The following KCNQ3 variants were observed in gnomAD, a reference collection of about 807,000 sequenced individuals.
KCNQ3 encodes potassium voltage-gated channel subfamily Q member 3, also known as potassium voltage-gated channel subfamily KQT member 3.
In KCNQ3, 30 loss-of-function variants were observed where a neutral mutation model predicts 92.5. The ratio of observed to expected loss-of-function variants is 0.32; its 90% CI spans 0.24 to 0.44. The LOEUF is 0.44. KCNQ3 is among the 20% of genes least tolerant of loss of function. KCNQ3 has a pLI of 1.00. For missense variants in KCNQ3, 913 were observed against 1,140.3 expected (o/e 0.80, Z 2.87); for synonymous variants, 450 against 468.8 (o/e 0.96, Z 0.52).
At chr8:132,270,398 C>A (rs551659522) in intron 1 of KCNQ3, among the ~76,000 whole-genome samples, 1 of 152,204 alleles carries the variant, frequency 6.6e-6, no homozygotes, top group Admixed American at 6.5e-5. Flanking sequence ...TCCTAACATG[C>A]TCATCTAAGG....
rs1298433696 is a variant in KCNQ3 at position 132,199,899 on chromosome 8, G to C, written c.387-13718C>G. On this transcript the variant is annotated intron_variant, in intron 1 of 14. Transcript: ENST00000388996. ...CACTCCAGCCTGGGTGACAGAGCAA[G>C]ACTCAGTCTCCAAAAAAAAAAAAAA... 4.4e-5 allele frequency among the ~76,000 whole-genome samples: 6 copies of C among 135,366 alleles called. No individual in the cohort carries two copies. In the Admixed American group the frequency reaches 4.5e-4, roughly 10 times the overall value. 88.8% of individuals were successfully genotyped at this position (135,366 alleles called of 152,430 possible). A position where few individuals can be genotyped will look rare whatever the true frequency, so the allele number is the denominator to read the frequency against.
At chr8:132,277,188 G>T (rs1816361708) in intron 1 of KCNQ3, among the ~76,000 whole-genome samples, 1 of 151,996 alleles carries the variant, frequency 6.6e-6, no homozygotes, top group Admixed American at 6.6e-5. Flanking sequence ...GATGCCATCA[G>T]CATCATTTCA....
Position 132,391,236 on chromosome 8 carries a change from T to C in KCNQ3, c.386+88911A>G, listed in dbSNP as rs191362842. On this transcript the variant is annotated intron_variant, in intron 1 of 14. Transcript: ENST00000388996. Reference sequence around the variant, plus strand: ...CTCATGGGTTCGGTAGGTCAGAAACTACCCATGAAGATGATGGTATCAAAA... The same window carrying C: ...CTCATGGGTTCGGTAGGTCAGAAACCACCCATGAAGATGATGGTATCAAAA... 2.2e-3 allele frequency among the ~76,000 whole-genome samples: 330 copies of C among 152,320 alleles called. 4 individuals are homozygous for C. The highest frequency in any genetic ancestry group is 0.013 in the South Asian group (61 of 4,820).
rs551639407 is a variant in KCNQ3, at chr8:132,148,753, A to G, written c.1263-7422T>C. On this transcript the variant is annotated intron_variant, in intron 9 of 14. Coordinates refer to ENST00000388996, the MANE Select transcript of KCNQ3 (RefSeq NM_004519.4). Reference sequence around the variant, plus strand: ...TCACTCTCTTTGTTTGAGCTGGGACATTCATATTCTCTTGCCCTTGGAGAT... The same window carrying G: ...TCACTCTCTTTGTTTGAGCTGGGACGTTCATATTCTCTTGCCCTTGGAGAT... Among the ~76,000 whole-genome samples the G allele has an allele frequency of 5.3e-5, 8 of 152,322 alleles. No individual in the cohort carries two copies. In the East Asian group the frequency reaches 5.8e-4, roughly 11 times the overall value.
intron 1 of KCNQ3, among the ~76,000 whole-genome samples, chr8:132,408,357 G>T (rs1209814521): frequency 1.3e-5 from 2 of 152,108 alleles, no homozygotes; most frequent in African/African-American, 4.8e-5. Context: ...GGGTGTACTG[G>T]AGTCCCTTCT....
chr8:132,405,395 C>T (rs907551519), intron 1 of KCNQ3, among the ~76,000 whole-genome samples: 1 of 152,234 alleles, frequency 6.6e-6, no homozygotes, highest in Non-Finnish European at 1.5e-5. Flanking sequence ...AGCACCCAGC[C>T]ACCAGTGGCA....
Position 132,427,946 on chromosome 8 carries a change from C to T in KCNQ3, c.386+52201G>A, listed in dbSNP as rs1053341931. Reference sequence around the variant, plus strand: ...AATTATCGGCAATGCTTCCTAGCCACGATCTATCTAGCAATCATACCCAAG... The same window carrying T: ...AATTATCGGCAATGCTTCCTAGCCATGATCTATCTAGCAATCATACCCAAG... On this transcript the variant is annotated intron_variant, in intron 1 of 14. Coordinates refer to ENST00000388996, the MANE Select transcript of KCNQ3 (RefSeq NM_004519.4). Among the ~76,000 whole-genome samples the T allele has an allele frequency of 1.4e-4, 21 of 152,310 alleles. 2 individuals carry two copies. In the South Asian group the frequency reaches 2.1e-3, roughly 15 times the overall value.
intron 1 of KCNQ3, among the ~76,000 whole-genome samples, chr8:132,404,351 C>T (rs1486361089): frequency 2.6e-5 from 4 of 152,160 alleles, no homozygotes; most frequent in Non-Finnish European, 5.9e-5. Context: ...AGGTACAGCC[C>T]CCAGACACTT....
chr8:132,247,740 G>A (rs1815228954), intron 1 of KCNQ3, among the ~76,000 whole-genome samples: 2 of 151,708 alleles, frequency 1.3e-5, no homozygotes, highest in African/African-American at 2.4e-5. Flanking sequence ...GGAGGATGCA[G>A]TGAGCCAAGA....
intron 1 of KCNQ3, among the ~76,000 whole-genome samples, chr8:132,426,712 C>A (rs1821122216): frequency 6.6e-6 from 1 of 152,164 alleles, no homozygotes; most frequent in Non-Finnish European, 1.5e-5. Flanking sequence ...TCAATTTCTC[C>A]AAGGAAGAAT....
intron 1 of KCNQ3, among the ~76,000 whole-genome samples, chr8:132,225,536 C>T (rs2130353140): frequency 6.6e-6 from 1 of 152,336 alleles, no homozygotes; most frequent in Non-Finnish European, 1.5e-5. Flanking sequence ...TTTTATCCTA[C>T]TTATATATGC....
At chr8:132,450,451 G>T (rs567312999) in intron 1 of KCNQ3, among the ~76,000 whole-genome samples, 1 of 152,236 alleles carries the variant, frequency 6.6e-6, no homozygotes, top group Non-Finnish European at 1.5e-5. Flanking sequence ...AGACAGAAAA[G>T]TTCTCCAAGT....
Position 132,480,647 on chromosome 8 carries a change from C to A in KCNQ3, c.-115G>T. 2 of 1,079,846 alleles carry A rather than the reference C, an allele frequency of 1.9e-6. No homozygotes were observed. The highest frequency in any genetic ancestry group is 2.3e-6 in the Non-Finnish European group (2 of 870,662). 66.9% of individuals were successfully genotyped at this position (1,079,846 alleles called of 1,614,324 possible). A position where few individuals can be genotyped will look rare whatever the true frequency, so the allele number is the denominator to read the frequency against. On this transcript the variant is annotated 5_prime_UTR_variant, in exon 1 of 15. Transcript: ENST00000388996. ...GGCTGCAAGCCCGGGAACTCCAATG[C>A]CATGATCCGCGCGCCCCTCCCCACC...
chr8:132,374,809 A>C (rs574259444), intron 1 of KCNQ3, among the ~76,000 whole-genome samples: 2 of 152,186 alleles, frequency 1.3e-5, no homozygotes, highest in African/African-American at 4.8e-5. Context: ...TAGTTTGCTG[A>C]GTATGATGGC....
intron 1 of KCNQ3, among the ~76,000 whole-genome samples, chr8:132,388,342 A>C (rs1038099065): frequency 6.6e-6 from 1 of 152,248 alleles, no homozygotes; most frequent in Non-Finnish European, 1.5e-5. Context: ...ACTTCTAGGA[A>C]TACATTCTGA....
chr8:132,175,274 A>C lies in KCNQ3; in HGVS notation c.933+179T>G, dbSNP rs567519575. 5.3e-5 allele frequency among the ~76,000 whole-genome samples: 8 copies of C among 152,334 alleles called. No homozygotes were observed. In the East Asian group the frequency reaches 1.5e-3, roughly 29 times the overall value. ...TAAACGCTAGAGAAAAGTCAATTCC[A>C]AGTGCCCACCTTGAAGGAGGGTCTT... is the stretch of plus-strand genomic sequence containing the variant. On this transcript the variant is annotated intron_variant, in intron 5 of 14. Transcript: ENST00000388996.
chr8:132,170,501 A>G (rs1826295954), intron 7 of KCNQ3, 73 bp from the exon 8 acceptor site: 1 of 932,466 alleles, frequency 1.1e-6, no homozygotes, highest in Non-Finnish European at 1.8e-6. Context: ...CCACACCAAC[A>G]AAACAATGTT....
In KCNQ3 at chr8:132,130,173, C is replaced by T. The variant is rs144416734; in HGVS notation, c.1885-177G>A. Reference sequence around the variant, plus strand: ...TCTGGGCTCATTGCAACTTCCGCCTCCCGGGTTCAAGCAGTTCTATGCCTC... The same window carrying T: ...TCTGGGCTCATTGCAACTTCCGCCTTCCGGGTTCAAGCAGTTCTATGCCTC... On this transcript the variant is annotated intron_variant, in intron 14 of 14. Coordinates refer to ENST00000388996, the MANE Select transcript of KCNQ3 (RefSeq NM_004519.4). Among the ~76,000 whole-genome samples the T allele has an allele frequency of 6.3e-3, 941 of 150,560 alleles. 8 individuals are homozygous for T. Among genetic ancestry groups the T allele is most frequent in the African/African-American group, 0.022 (895 of 40,768 alleles).
At chr8:132,399,047 C>G (rs1171291017) in intron 1 of KCNQ3, among the ~76,000 whole-genome samples, 1 of 152,158 alleles carries the variant, frequency 6.6e-6, no homozygotes, top group Non-Finnish European at 1.5e-5. Flanking sequence ...TCGTAAAAGT[C>G]CACCAACAAA....
Sources: gnomAD v4.1 joint callset for allele counts (sites outside exome capture counted in the v4.1 genomes callset) on GRCh38, gnomAD v4.1.1 for gene constraint, MANE v1.5 for transcripts, NCBI Gene and HGNC (gene_info 2026-07-23, HGNC 2026-07-21) for gene names.